LINGO2: variants seen among roughly 807,000 people sequenced by gnomAD.
The protein encoded by LINGO2 is leucine-rich repeat and immunoglobulin-like domain-containing nogo receptor-interacting protein 2.
Under a neutral mutation model 30.6 loss-of-function variants are expected in LINGO2, and 14 were observed. The ratio of observed to expected loss-of-function variants is 0.46; its 90% CI spans 0.30 to 0.72. LINGO2 has a LOEUF of 0.72. LINGO2 is among the 30% of genes least tolerant of loss of function. The pLI is 0.07. For missense variants in LINGO2, 729 were observed against 751.7 expected, an observed-to-expected ratio of 0.97 and a Z score of 0.35; for synonymous variants, 317 against 288.5, an observed-to-expected ratio of 1.10 and a Z score of -1.00.
chr9:28,053,798 T>C (rs1265711232), intron 4 of LINGO2, among the ~76,000 whole-genome samples: 1 of 152,128 alleles, frequency 6.6e-6, no homozygotes, highest in Non-Finnish European at 1.5e-5. Context: ...ATGTATTTTC[T>C]ATTCTCAGAA....
At chr9:28,345,194 A>G (rs1237153535) in intron 3 of LINGO2, among the ~76,000 whole-genome samples, 1 of 152,130 alleles carries the variant, frequency 6.6e-6, no homozygotes, top group Non-Finnish European at 1.5e-5. Flanking sequence ...AGCACCCAAC[A>G]GGGACACACC....
chr9:28,727,777 A>G, the LINGO2 span, among the ~76,000 whole-genome samples: 4 of 152,278 alleles, frequency 2.6e-5, no homozygotes, highest in East Asian at 7.7e-4. Flanking sequence ...CTAATTAAAC[A>G]TTAGAAGCAT....
chr9:28,176,626 C>T (rs1828757930), intron 4 of LINGO2, among the ~76,000 whole-genome samples: 1 of 152,072 alleles, frequency 6.6e-6, no homozygotes, highest in Non-Finnish European at 1.5e-5. Context: ...TATTCTTTCA[C>T]CTAATCTTTA....
the LINGO2 span, among the ~76,000 whole-genome samples, chr9:28,756,451 T>C: frequency 6.6e-6 from 1 of 151,980 alleles, no homozygotes; most frequent in Non-Finnish European, 1.5e-5. Context: ...TTTTGGTTGA[T>C]GTTAGAATGA....
chr9:28,694,892 T>A, the LINGO2 span, among the ~76,000 whole-genome samples: 3 of 151,780 alleles, frequency 2.0e-5, no homozygotes, highest in Non-Finnish European at 4.4e-5. Flanking sequence ...TTTAAAGGCA[T>A]AATTTCTCAC....
At chr9:28,138,526 A>C (rs1827580795) in intron 4 of LINGO2, among the ~76,000 whole-genome samples, 3 of 152,320 alleles carry the variant, frequency 2.0e-5, no homozygotes, top group South Asian at 4.1e-4. Context: ...TAAGTGATGT[A>C]GTGAGATAAT....
chr9:28,936,941 C>T, the LINGO2 span, among the ~76,000 whole-genome samples: 7 of 152,176 alleles, frequency 4.6e-5, no homozygotes, highest in African/African-American at 7.2e-5. Flanking sequence ...TGACTGCTTT[C>T]TCGATGTATC....
At chr9:28,792,992 C>A in the LINGO2 span, among the ~76,000 whole-genome samples, 1 of 152,106 alleles carries the variant, frequency 6.6e-6, no homozygotes, top group Non-Finnish European at 1.5e-5. Context: ...ATAGTCAGTG[C>A]ATGGCTTTAC....
At chr9:29,039,983 T>A in the LINGO2 span, among the ~76,000 whole-genome samples, 1 of 152,098 alleles carries the variant, frequency 6.6e-6, no homozygotes, top group South Asian at 2.1e-4. Context: ...ACAGAAAAAA[T>A]CTAGAGTTTC....
At chr9:28,014,549 C>A in intron 4 of LINGO2, among the ~76,000 whole-genome samples, 2 of 77,942 alleles carry the variant, frequency 2.6e-5, no homozygotes, top group South Asian at 5.2e-4. Flanking sequence ...ATAAATTTTA[C>A]TTTTTTATCC....
the LINGO2 span, among the ~76,000 whole-genome samples, chr9:28,723,541 GT>G: frequency 6.6e-6 from 1 of 152,034 alleles, no homozygotes; most frequent in African/African-American, 2.4e-5. Flanking sequence ...CATGCTCTTT[GT>G]TATGGATTAC....
At chr9:29,009,060 A>G in the LINGO2 span, among the ~76,000 whole-genome samples, 1 of 152,172 alleles carries the variant, frequency 6.6e-6, no homozygotes, top group Non-Finnish European at 1.5e-5. Context: ...ACTTATGACA[A>G]ATCCACAGCC....
At chr9:28,927,748 C>T in the LINGO2 span, among the ~76,000 whole-genome samples, 1 of 152,166 alleles carries the variant, frequency 6.6e-6, no homozygotes, top group African/African-American at 2.4e-5. Flanking sequence ...CTAAAAACTG[C>T]TGTAGGCATT....
chr9:28,245,934 A>G (rs1821981687), intron 4 of LINGO2, among the ~76,000 whole-genome samples: 1 of 152,000 alleles, frequency 6.6e-6, no homozygotes, highest in Admixed American at 6.6e-5. Flanking sequence ...CAGAATTAGA[A>G]AAAAAAACTA....
chr9:28,346,995 G>A (rs1218886403), intron 3 of LINGO2, among the ~76,000 whole-genome samples: 1 of 152,036 alleles, frequency 6.6e-6, no homozygotes, highest in Non-Finnish European at 1.5e-5. Context: ...TTACTCTGTT[G>A]ATAATTTCTT....
chr9:28,927,535 CTCTAAA>C, the LINGO2 span, among the ~76,000 whole-genome samples: 2 of 152,130 alleles, frequency 1.3e-5, no homozygotes, highest in African/African-American at 2.4e-5. Flanking sequence ...GATTTTGGTT[CTCTAAA>C]TCTATTTCCT....
chr9:28,723,360 G>T, the LINGO2 span, among the ~76,000 whole-genome samples: 1 of 152,018 alleles, frequency 6.6e-6, no homozygotes, highest in Non-Finnish European at 1.5e-5. Context: ...CTGATTCTAT[G>T]AATTGTCTTC....
chr9:29,106,737 A>C, the LINGO2 span, among the ~76,000 whole-genome samples: 1 of 152,258 alleles, frequency 6.6e-6, no homozygotes, highest in South Asian at 2.1e-4. Context: ...TATATCCTTT[A>C]TAGACTTTTA....
At chr9:28,961,262 G>C in the LINGO2 span, among the ~76,000 whole-genome samples, 3 of 151,994 alleles carry the variant, frequency 2.0e-5, no homozygotes, top group African/African-American at 7.2e-5. Flanking sequence ...TTCCCATCCT[G>C]GCAGACAGGC....
Sources: allele counts gnomAD v4.1 joint callset (sites outside exome capture counted in the v4.1 genomes callset), GRCh38; gene constraint gnomAD v4.1.1; transcripts MANE v1.5; gene names NCBI Gene and HGNC (gene_info 2026-07-23, HGNC 2026-07-21).